Variants in FRY observed in about 807,000 individuals in gnomAD.
FRY encodes protein furry homolog.
In FRY, 128 loss-of-function variants were observed where a neutral mutation model predicts 348.4. The ratio of observed to expected loss-of-function variants is 0.37; its 90% CI spans 0.32 to 0.43. The LOEUF is 0.43. Among genes scored for constraint, FRY ranks in the 20% least tolerant of loss-of-function variants. The pLI, the probability that FRY is intolerant of heterozygous loss-of-function variation, is 1.00. For synonymous variants in FRY, 1,370 were observed against 1,374.7 expected, an observed-to-expected ratio of 1.00 and a Z score of 0.08; for missense variants, 2,736 against 3,695.2, an observed-to-expected ratio of 0.74 and a Z score of 6.73.
At chr13:32,224,407 A>C (rs1885476536) in intron 37 of FRY, 22 bp downstream of exon 37, 1 of 1,611,204 alleles carries the variant, frequency 6.2e-7, no homozygotes, top group Non-Finnish European at 8.5e-7. Flanking sequence ...GTGTGGGGAG[A>C]AGGAAATCTT....
chr13:32,259,809 G>A lies in FRY; in HGVS notation c.7417-1807G>A, dbSNP rs570179919. Among the ~76,000 whole-genome samples the A allele has an allele frequency of 2.0e-5, 3 of 151,444 alleles. No individual in the cohort carries two copies. The South Asian group carries it at 6.3e-4, about 32-fold the overall frequency. ...TATTGTTTTATTTTCTCACTGCTGT[G>A]GCTATTTTTAAAATCCCAGTACAAC... On this transcript the variant is annotated intron_variant, in intron 51 of 60. Transcript: ENST00000542859.
intron 1 of FRY, among the ~76,000 whole-genome samples, chr13:32,065,377 C>T (rs1340396565): frequency 6.6e-6 from 1 of 151,834 alleles, no homozygotes; most frequent in Non-Finnish European, 1.5e-5. Flanking sequence ...ACAATCTCAG[C>T]TCACTGAGAC....
chr13:32,066,223 C>T (rs1170246174), intron 1 of FRY, among the ~76,000 whole-genome samples: 1 of 152,180 alleles, frequency 6.6e-6, no homozygotes, highest in African/African-American at 2.4e-5. Flanking sequence ...ATAGAACGAA[C>T]CTACTTCTGG....
At chr13:32,234,799 GCTCT>G in intron 42 of FRY, 38 bp downstream of exon 42, 3 of 1,526,372 alleles carry the variant, frequency 2.0e-6, no homozygotes, top group Non-Finnish European at 2.7e-6. Context: ...TGAAGGATGA[GCTCT>G]CTCATCTCAA....
intron 14 of FRY, among the ~76,000 whole-genome samples, chr13:32,154,834 G>T (rs923611811): frequency 2.0e-5 from 3 of 152,166 alleles, no homozygotes; most frequent in Admixed American, 6.5e-5. Context: ...CGAGCACTAG[G>T]GAGAGCTGCT....
Position 32,268,486 on chromosome 13 carries a change from TAAAA to T in FRY, c.8136+1144_8136+1147del, listed in dbSNP as rs1163691921. ...ATTATAGTTAAAGAGAAAGCTAGTT[TAAAA>T]AAAAAAAAAAAAAAAATATATATAT... On this transcript the variant is annotated intron_variant, in intron 55 of 60. Transcript: ENST00000542859. 4.3e-3 allele frequency among the ~76,000 whole-genome samples: 262 copies of T among 60,682 alleles called. 2 individuals are homozygous for T. The highest frequency in any genetic ancestry group is 9.1e-3 in the African/African-American group (155 of 17,080). The allele number at this position is 60,682 out of a possible 152,430, so 39.8% of individuals were successfully genotyped here.
At chr13:32,254,718 T>G (rs1887249121) in intron 51 of FRY, among the ~76,000 whole-genome samples, 1 of 152,228 alleles carries the variant, frequency 6.6e-6, no homozygotes, top group Admixed American at 6.5e-5. Context: ...AACATTTCAG[T>G]TCTTAGCCTG....
At chr13:32,195,956 A>G (rs1883649186) in intron 29 of FRY, among the ~76,000 whole-genome samples, 1 of 152,182 alleles carries the variant, frequency 6.6e-6, no homozygotes, top group African/African-American at 2.4e-5. Context: ...TTAAAATTTC[A>G]GCTGTTGCCT....
At chr13:32,291,923 C>T (rs560545753) in intron 59 of FRY, 1 of 440,238 alleles carries the variant, frequency 2.3e-6, no homozygotes, top group African/African-American at 2.0e-5. Flanking sequence ...TATGATAAAA[C>T]CTGAATGGAT....
chr13:32,289,534 T>C, intron 58 of FRY, 99 bp from the exon 59 acceptor site: 1 of 740,330 alleles, frequency 1.4e-6, no homozygotes, highest in Non-Finnish European at 2.4e-6. Flanking sequence ...TATGTTTTCT[T>C]AATTTAAAAA....
chr13:32,124,409 ATATT>A (rs1878897697), intron 5 of FRY, 33 bp downstream of exon 5: 8 of 1,166,420 alleles, frequency 6.9e-6, no homozygotes, highest in Non-Finnish European at 1.0e-5. Context: ...CTTTTAGATA[ATATT>A]TATTGATCTA....
intron 53 of FRY, among the ~76,000 whole-genome samples, chr13:32,263,143 G>A (rs1474697105): frequency 6.6e-6 from 1 of 152,148 alleles, no homozygotes; most frequent in African/African-American, 2.4e-5. Flanking sequence ...ATGCCCATCA[G>A]TATAGAATTG....
At chr13:32,050,205 AC>A (rs1873252400) in intron 1 of FRY, among the ~76,000 whole-genome samples, 2 of 152,240 alleles carry the variant, frequency 1.3e-5, no homozygotes, top group South Asian at 4.1e-4. Flanking sequence ...TCAAACAAAT[AC>A]CTAATGGATA....
At chr13:32,168,431 T>C (rs568522751) in intron 17 of FRY, among the ~76,000 whole-genome samples, 120 of 152,320 alleles carry the variant, frequency 7.9e-4, no homozygotes, top group African/African-American at 2.8e-3. Context: ...TCCAGAATAA[T>C]GTCAGTCAAA....
chr13:32,055,501 G>A (rs1269982046), intron 1 of FRY, among the ~76,000 whole-genome samples: 1 of 152,168 alleles, frequency 6.6e-6, no homozygotes, highest in African/African-American at 2.4e-5. Context: ...CCTTTAAAAA[G>A]ACAAATTCTA....
rs78675532 is a variant in FRY, at chr13:32,145,539, T to G, written c.1180-1743T>G. ...TCTGACTGATTTGTTTTTTTTTTTTTTTTTTTTTTTTTTTTTGAGACGGAG... is the reference window on the plus strand; with the variant it reads ...TCTGACTGATTTGTTTTTTTTTTTTGTTTTTTTTTTTTTTTTGAGACGGAG... On this transcript the variant is annotated intron_variant, in intron 11 of 60. Coordinates refer to ENST00000542859, the MANE Select transcript of FRY (RefSeq NM_023037.3). Among the ~76,000 whole-genome samples the G allele has an allele frequency of 9.7e-3, 1,328 of 137,284 alleles. 43 individuals carry two copies. The highest frequency in any genetic ancestry group is 0.025 in the African/African-American group (909 of 36,678). The allele number at this position is 137,284 out of a possible 152,430, so 90.1% of individuals were successfully genotyped here. A position where few individuals can be genotyped will look rare whatever the true frequency, so the allele number is the denominator to read the frequency against.
chr13:32,086,051 AG>A (rs754374814), intron 2 of FRY: 1 of 509,942 alleles, frequency 2.0e-6, no homozygotes, highest in Non-Finnish European at 3.9e-6. Context: ...CAGAGATTTG[AG>A]GTAAGTCCGC....
chr13:32,249,440 C>A, intron 48 of FRY, 86 bp from the exon 49 acceptor site: 1 of 1,382,232 alleles, frequency 7.2e-7, no homozygotes, highest in South Asian at 1.2e-5. Context: ...ATCAAATAAG[C>A]AGCTCTTGGT....
chr13:32,090,442 T>A (rs1425056616), intron 2 of FRY, among the ~76,000 whole-genome samples: 1 of 150,516 alleles, frequency 6.6e-6, no homozygotes, highest in East Asian at 2.0e-4. Flanking sequence ...AGCATGTTGA[T>A]AGCTGAGAGA....
Sources: gnomAD v4.1 joint callset for allele counts (sites outside exome capture counted in the v4.1 genomes callset) on GRCh38, gnomAD v4.1.1 for gene constraint, MANE v1.5 for transcripts, NCBI Gene and HGNC (gene_info 2026-07-23, HGNC 2026-07-21) for gene names.